The following CSMD1 variants were observed in gnomAD, a reference collection of about 807,000 sequenced individuals.
CSMD1 encodes the protein CUB and Sushi multiple domains 1, also known as CUB and sushi domain-containing protein 1.
In CSMD1, 213 loss-of-function variants were observed where a neutral mutation model predicts 417.5. The ratio of observed to expected loss-of-function variants is 0.51; its 90% confidence interval spans 0.46 to 0.57. The LOEUF is 0.57. Among genes scored for constraint, CSMD1 ranks in the 20% least tolerant of loss-of-function variants. The pLI, the probability that CSMD1 is intolerant of heterozygous loss-of-function variation, is 0.00. For synonymous variants in CSMD1, 2,862 were observed against 1,736.8 expected, an observed-to-expected ratio of 1.65 and a Z score of -16.11; for missense variants, 6,923 against 4,529.7, an observed-to-expected ratio of 1.53 and a Z score of -15.17.
At position 4,841,914 on chromosome 8, in the gene CSMD1, A is replaced by ACAAAACAAAAAC. The variant is rs779346831; in HGVS notation, c.85+152417_85+152418insGTTTTTGTTTTG. Among the ~76,000 whole-genome samples the ACAAAACAAAAAC allele has an allele frequency of 4.4e-5, 6 of 136,624 alleles. 1 individual carries two copies. In the East Asian group the frequency reaches 1.4e-3, roughly 32 times the overall value. The allele number at this position is 136,624 out of a possible 152,430, so 89.6% of individuals were successfully genotyped here. A position where few individuals can be genotyped will look rare whatever the true frequency, so the allele number is the denominator to read the frequency against. ...CAACAAGAGCAAAACTCCGTCTCAA[A>ACAAAACAAAAAC]AAAAAAAAAAAAAAAAAAAAAAAAG... On this transcript the variant is annotated intron_variant, in intron 1 of 69. Coordinates refer to ENST00000635120, the MANE Select transcript of CSMD1 (RefSeq NM_033225.6).
intron 3 of CSMD1, among the ~76,000 whole-genome samples, chr8:4,150,339 G>A (rs544566288): frequency 4.6e-5 from 7 of 152,216 alleles, no homozygotes; most frequent in Admixed American, 1.3e-4. Context: ...TCTCTAACCC[G>A]TGCCATTCTA....
At chr8:3,214,445 T>G (rs948466237) in intron 30 of CSMD1, 52 bp downstream of exon 30, 1 of 1,406,584 alleles carries the variant, frequency 7.1e-7, no homozygotes, top group South Asian at 1.4e-5. Context: ...AATGAGATGC[T>G]GCATTTTAAA....
intron 5 of CSMD1, among the ~76,000 whole-genome samples, chr8:3,810,652 A>C (rs1348970545): frequency 6.6e-6 from 1 of 152,172 alleles, no homozygotes; most frequent in East Asian, 1.9e-4. Context: ...AGTTTATAAA[A>C]CTTTGAGAAA....
intron 3 of CSMD1, among the ~76,000 whole-genome samples, chr8:4,091,831 TA>T (rs1800737654): frequency 6.6e-6 from 1 of 152,206 alleles, no homozygotes; most frequent in Non-Finnish European, 1.5e-5. Context: ...TAAAATGGAC[TA>T]TTTAGCAATG....
intron 1 of CSMD1, among the ~76,000 whole-genome samples, chr8:4,638,941 T>A (rs2617009): frequency 1.3e-5 from 2 of 152,056 alleles, no homozygotes; most frequent in African/African-American, 4.8e-5. Context: ...TGGAGTAGTT[T>A]GAAAGAATAG....
chr8:4,746,563 G>C (rs1200439375), intron 1 of CSMD1, among the ~76,000 whole-genome samples: 4 of 152,156 alleles, frequency 2.6e-5, no homozygotes, highest in African/African-American at 9.7e-5. Context: ...TTGCCCAAGT[G>C]AGAATGAAGG....
chr8:4,733,663 G>C (rs1034807556), intron 1 of CSMD1, among the ~76,000 whole-genome samples: 3 of 152,092 alleles, frequency 2.0e-5, no homozygotes, highest in African/African-American at 7.2e-5. Context: ...ATCTGAACAG[G>C]TATTTTGTTC....
intron 12 of CSMD1, among the ~76,000 whole-genome samples, chr8:3,429,911 T>G (rs930558220): frequency 6.6e-6 from 1 of 152,216 alleles, no homozygotes. Context: ...CCAGGGGCAC[T>G]GGCCACACTG....
intron 3 of CSMD1, among the ~76,000 whole-genome samples, chr8:4,372,695 T>C (rs1416780921): frequency 6.8e-6 from 1 of 147,718 alleles, no homozygotes; most frequent in Non-Finnish European, 1.5e-5. Context: ...AAGGACTCAA[T>C]AGCTAACTGA....
rs1056352985 is a variant in CSMD1, at chr8:4,149,763, C to A, written c.416-117664G>T. On this transcript the variant is annotated intron_variant, in intron 3 of 69. Coordinates refer to ENST00000635120, the MANE Select transcript of CSMD1 (RefSeq NM_033225.6). ...ACTCCAAGCATCCAGCCAGGCCTTG[C>A]TGGATGTGTCGTAGTTGCTTCAGGG... Among the ~76,000 whole-genome samples the A allele has an allele frequency of 8.0e-4, 122 of 152,292 alleles. 1 individual carries two copies. Among genetic ancestry groups the A allele is most frequent in the Non-Finnish European group, 8.8e-5 (6 of 68,022 alleles).
intron 49 of CSMD1, among the ~76,000 whole-genome samples, chr8:3,053,223 T>G (rs1401221864): frequency 6.6e-6 from 1 of 152,202 alleles, no homozygotes; most frequent in African/African-American, 2.4e-5. Flanking sequence ...GACTGACCAC[T>G]CTCATGCAGC....
intron 7 of CSMD1, among the ~76,000 whole-genome samples, chr8:3,653,774 T>A (rs1487272225): frequency 6.6e-6 from 1 of 152,156 alleles, no homozygotes; most frequent in African/African-American, 2.4e-5. Flanking sequence ...GTCCCCAAAA[T>A]GACATATCCC....
chr8:4,568,732 C>A (rs1037371292), intron 2 of CSMD1, among the ~76,000 whole-genome samples: 2 of 152,130 alleles, frequency 1.3e-5, no homozygotes, highest in African/African-American at 4.8e-5. Flanking sequence ...TTTACACTCC[C>A]ACCAACAGTG....
At chr8:4,819,348 G>C (rs1210422577) in intron 1 of CSMD1, among the ~76,000 whole-genome samples, 3 of 152,048 alleles carry the variant, frequency 2.0e-5, no homozygotes, top group African/African-American at 7.2e-5. Flanking sequence ...GGGAATATGT[G>C]TCCATTTACT....
At chr8:3,273,504 A>G (rs1802033028) in intron 26 of CSMD1, among the ~76,000 whole-genome samples, 1 of 152,154 alleles carries the variant, frequency 6.6e-6, no homozygotes, top group Non-Finnish European at 1.5e-5. Context: ...TTCAGAAGGA[A>G]TGGTACAAAT....
chr8:4,843,477 G>A (rs776036519), intron 1 of CSMD1, among the ~76,000 whole-genome samples: 3 of 152,096 alleles, frequency 2.0e-5, no homozygotes, highest in Non-Finnish European at 4.4e-5. Flanking sequence ...GAAATTGTGT[G>A]TATAAAGGAA....
At chr8:3,486,968 G>C (rs1818074956) in intron 11 of CSMD1, among the ~76,000 whole-genome samples, 1 of 152,120 alleles carries the variant, frequency 6.6e-6, no homozygotes, top group Non-Finnish European at 1.5e-5. Context: ...CCATCCTGAA[G>C]CTTGCTACTC....
chr8:4,638,048 A>G (rs1802947969), intron 1 of CSMD1, among the ~76,000 whole-genome samples: 1 of 152,226 alleles, frequency 6.6e-6, no homozygotes. Context: ...GCTGAAAGAT[A>G]GAGGACAACA....
At chr8:3,106,465 A>G in intron 46 of CSMD1, 63 bp downstream of exon 46, 1 of 1,003,512 alleles carries the variant, frequency 1.0e-6, no homozygotes, top group South Asian at 1.5e-5. Flanking sequence ...GCAGACCAAT[A>G]CAAACAATAC....
Sources: gnomAD v4.1 joint callset for allele counts (sites outside exome capture counted in the v4.1 genomes callset) on GRCh38, gnomAD v4.1.1 for gene constraint, MANE v1.5 for transcripts, NCBI Gene and HGNC (gene_info 2026-07-23, HGNC 2026-07-21) for gene names.